Variants in XYLB observed in about 807,000 individuals in gnomAD.
XYLB encodes the protein xylulose kinase.
XYLB carries 62 observed loss-of-function variants against 78.7 expected under a neutral mutation model. The ratio of observed to expected loss-of-function variants is 0.79; its 90% CI spans 0.64 to 0.97. The LOEUF (loss-of-function observed/expected upper bound fraction) is 0.97. Among genes scored for constraint, XYLB ranks in the 50% least tolerant of loss-of-function variants. The pLI is 0.00. For missense variants in XYLB, 687 were observed against 676.8 expected (o/e 1.02, Z -0.17); for synonymous variants, 245 against 247.4 (o/e 0.99, Z 0.09).
At chr3:38,358,362 A>C (rs1241170272) in intron 2 of XYLB, among the ~76,000 whole-genome samples, 1 of 44,702 alleles carries the variant, frequency 2.2e-5, no homozygotes, top group African/African-American at 5.7e-5. Context: ...TGTGTGTTTG[A>C]GACAGAGCCT....
downstream of XYLB, among the ~76,000 whole-genome samples, chr3:38,423,485 G>C (rs1474161905): frequency 6.6e-6 from 1 of 152,188 alleles, no homozygotes; most frequent in Non-Finnish European, 1.5e-5. Context: ...GCCTTCTGCT[G>C]CTATGATTCC....
rs1443058819 is a variant in XYLB, at chr3:38,368,219, T to C, written c.608T>C (p.Leu203Pro). The C allele has an allele frequency of 6.2e-7, 1 of 1,614,206 alleles. No homozygotes were observed. The highest frequency in any genetic ancestry group is 1.1e-5 in the South Asian group (1 of 91,084). Reference sequence around the variant, plus strand: ...TTGGTCAGTAGCTTTGCTGCTTCCCTGTTCCTTGGCTCTTACTCCCCTATT... The same window carrying C: ...TTGGTCAGTAGCTTTGCTGCTTCCCCGTTCCTTGGCTCTTACTCCCCTATT... ...ISLVSSFAAS[L>P]FLGSYSPIDY... Residue 203 changes from leucine (L) to proline (P), a missense_variant, in exon 8 of 19, where the codon CTG (leucine) becomes CCG (proline). Physicochemically the swap from Leu to Pro is moderately conservative, Grantham distance 98. Coordinates refer to ENST00000207870, the MANE Select transcript of XYLB (RefSeq NM_005108.4).
rs1396670981 is a variant in XYLB, at chr3:38,400,931, G to A, written c.1479G>A (p.Val493=). Residue 493 remains valine (V), a synonymous_variant, in exon 18 of 19, where the codon GTG becomes GTA. Transcript: ENST00000207870. ...CAGATGTGCCCTTTTCAGAGGTTGTGAAGTTAGCTCCAAATCCCAGACTAG... is the reference window on the plus strand; with the variant it reads ...CAGATGTGCCCTTTTCAGAGGTTGTAAAGTTAGCTCCAAATCCCAGACTAG... ...GGTDVPFSEV[V]KLAPNPRLAA... 1 of 1,614,202 alleles carries A rather than the reference G, an allele frequency of 6.2e-7. No homozygotes were observed. Among genetic ancestry groups the A allele is most frequent in the South Asian group, 1.1e-5 (1 of 91,088 alleles).
chr3:38,451,414 G>T, the XYLB span: 1 of 152,158 alleles, frequency 6.6e-6, no homozygotes, highest in African/African-American at 2.4e-5. Flanking sequence ...CCTGAAGTTG[G>T]GAGTTCAAGA....
At chr3:38,405,257 C>G (rs939219078) in intron 18 of XYLB, among the ~76,000 whole-genome samples, 3 of 151,386 alleles carry the variant, frequency 2.0e-5, no homozygotes, top group African/African-American at 7.3e-5. Context: ...TCTGGGTAGA[C>G]CAGGCACGGT....
intron 18 of XYLB, among the ~76,000 whole-genome samples, chr3:38,403,518 C>T (rs78447660): frequency 4.6e-5 from 7 of 152,194 alleles, no homozygotes; most frequent in East Asian, 1.9e-4. Flanking sequence ...CAGCTGTATT[C>T]GAAGGCAGGG....
At chr3:38,445,483 A>AG in the XYLB span, among the ~76,000 whole-genome samples, 1 of 152,234 alleles carries the variant, frequency 6.6e-6, no homozygotes, top group Non-Finnish European at 1.5e-5. Flanking sequence ...GAAGAGAGGC[A>AG]GGAGGAAGTT....
At chr3:38,369,966 A>C in intron 8 of XYLB, 90 bp from the exon 9 acceptor site, 5 of 1,097,926 alleles carry the variant, frequency 4.6e-6, no homozygotes, top group Non-Finnish European at 7.0e-6. Context: ...AGTTGTGGCA[A>C]GAGAATTATC....
chr3:38,388,175 T>G (rs202022525), intron 15 of XYLB, among the ~76,000 whole-genome samples: 58,202 of 137,154 alleles, frequency 0.42, 10,508 homozygotes, highest in Middle Eastern at 0.52. Flanking sequence ...TTTTGTTTTT[T>G]TTTTTTTTTT....
In XYLB at chr3:38,413,079, C is replaced by A; in HGVS notation, c.*66C>A. 1 of 1,456,278 alleles carries A rather than the reference C, an allele frequency of 6.9e-7. No individual in the cohort carries two copies. Among genetic ancestry groups the A allele is most frequent in the South Asian group, 1.3e-5 (1 of 76,240 alleles). The allele number at this position is 1,456,278 out of a possible 1,614,324, so 90.2% of individuals were successfully genotyped here. A position where few individuals can be genotyped will look rare whatever the true frequency, so the allele number is the denominator to read the frequency against. ...CCCCATTTGTCGACATGGCCCCAGA[C>A]AGGAGGGATCCACTTCTCTGTTCTG... On this transcript the variant is annotated 3_prime_UTR_variant, in exon 19 of 19. Coordinates refer to ENST00000207870, the MANE Select transcript of XYLB (RefSeq NM_005108.4).
the XYLB span, among the ~76,000 whole-genome samples, chr3:38,432,782 G>A: frequency 6.6e-6 from 1 of 152,222 alleles, no homozygotes; most frequent in African/African-American, 2.4e-5. Context: ...GGCCCCCATG[G>A]CTTTGGCCAG....
Position 38,355,391 on chromosome 3 carries a change from TAGA to T in XYLB, c.141-4946_141-4944del, listed in dbSNP as rs572980308. Among the ~76,000 whole-genome samples the T allele has an allele frequency of 1.7e-3, 252 of 152,372 alleles. 1 individual carries two copies. The highest frequency in any genetic ancestry group is 5.7e-3 in the African/African-American group (238 of 41,592). ...CTGAGCCCCATCCAATGATAGCAAG[TAGA>T]ATTGTGAGCTTAATGGTTTTGAGCC... On this transcript the variant is annotated intron_variant, in intron 2 of 18. Coordinates refer to ENST00000207870, the MANE Select transcript of XYLB (RefSeq NM_005108.4).
chr3:38,428,335 T>G, the XYLB span, among the ~76,000 whole-genome samples: 1 of 152,250 alleles, frequency 6.6e-6, no homozygotes, highest in Non-Finnish European at 1.5e-5. Flanking sequence ...TAAGGTCGAA[T>G]TAGATTGATG....
At chr3:38,421,305 G>A (rs1004165088), downstream of XYLB, 4 of 152,324 alleles carry the variant, frequency 2.6e-5, no homozygotes, top group Non-Finnish European at 4.4e-5. Context: ...TCGCCAGAGC[G>A]ATGGTTAGAA....
At chr3:38,438,526 C>CA in the XYLB span, among the ~76,000 whole-genome samples, 1 of 152,020 alleles carries the variant, frequency 6.6e-6, no homozygotes, top group African/African-American at 2.4e-5. Flanking sequence ...CATAAGGAAC[C>CA]AAAAAGAGCC....
chr3:38,378,737 G>A (rs1018597220), intron 14 of XYLB, among the ~76,000 whole-genome samples: 3 of 151,150 alleles, frequency 2.0e-5, no homozygotes, highest in Admixed American at 6.6e-5. Context: ...GCAGGAGTGA[G>A]CCTGGGGTTG....
chr3:38,422,907 G>A (rs181918331), downstream of XYLB, among the ~76,000 whole-genome samples: 98 of 152,146 alleles, frequency 6.4e-4, no homozygotes, highest in Admixed American at 1.0e-3. Context: ...TTAAGCCTCC[G>A]GAACCTATAC....
At chr3:38,373,631 C>T (rs149657837) in intron 10 of XYLB, among the ~76,000 whole-genome samples, 5 of 152,238 alleles carry the variant, frequency 3.3e-5, no homozygotes, top group East Asian at 1.9e-4. Flanking sequence ...CATTCGGTCT[C>T]GTCTCTTTGT....
intron 2 of XYLB, among the ~76,000 whole-genome samples, chr3:38,358,757 G>C (rs923929815): frequency 6.6e-6 from 1 of 152,090 alleles, no homozygotes; most frequent in Non-Finnish European, 1.5e-5. Flanking sequence ...GTAAAATTTT[G>C]TTGCTCTCTT....
Sources: allele counts gnomAD v4.1 joint callset (sites outside exome capture counted in the v4.1 genomes callset), GRCh38; gene constraint gnomAD v4.1.1; transcripts MANE v1.5; gene names NCBI Gene and HGNC (gene_info 2026-07-23, HGNC 2026-07-21).